Variants in ZMAT4 observed in about 807,000 individuals in gnomAD.
The protein encoded by ZMAT4 is zinc finger matrin-type 4.
In ZMAT4, 17 loss-of-function variants were observed where a neutral mutation model predicts 28.7. The ratio of observed to expected loss-of-function variants is 0.59; its 90% CI spans 0.41 to 0.89. The LOEUF is 0.89. Among genes scored for constraint, ZMAT4 ranks in the 40% least tolerant of loss-of-function variants. The pLI, the probability that ZMAT4 is intolerant of heterozygous loss-of-function variation, is 0.00. For missense variants in ZMAT4, 240 were observed against 283.8 expected, an observed-to-expected ratio of 0.85 and a Z score of 1.11; for synonymous variants, 117 against 109.2, an observed-to-expected ratio of 1.07 and a Z score of -0.44.
chr8:40,766,944 T>C (rs990830081), intron 3 of ZMAT4, among the ~76,000 whole-genome samples: 3 of 152,186 alleles, frequency 2.0e-5, no homozygotes, highest in African/African-American at 7.2e-5. Context: ...GGAATTTCTG[T>C]GTTTAATCCA....
At chr8:40,680,186 G>A (rs1809094113) in intron 4 of ZMAT4, among the ~76,000 whole-genome samples, 1 of 152,130 alleles carries the variant, frequency 6.6e-6, no homozygotes, top group Admixed American at 6.6e-5. Flanking sequence ...GTTGCAGAGA[G>A]TGCACATCCT....
intron 1 of ZMAT4, among the ~76,000 whole-genome samples, chr8:40,835,821 G>A (rs1026851117): frequency 2.6e-5 from 4 of 152,184 alleles, no homozygotes; most frequent in Non-Finnish European, 5.9e-5. Flanking sequence ...TCAGCCAGCA[G>A]ACATTCTAGT....
At chr8:40,825,052 C>T (rs1191848669) in intron 2 of ZMAT4, among the ~76,000 whole-genome samples, 1 of 152,216 alleles carries the variant, frequency 6.6e-6, no homozygotes, top group Non-Finnish European at 1.5e-5. Context: ...TTGGTTATAA[C>T]TCTGCAGAAG....
chr8:40,590,489 G>C (rs554555242), intron 5 of ZMAT4, among the ~76,000 whole-genome samples: 1 of 151,844 alleles, frequency 6.6e-6, no homozygotes, highest in Admixed American at 6.6e-5. Context: ...AAAATCAAAC[G>C]GCTCTTTTAC....
chr8:40,630,391 A>G (rs1806531589), intron 5 of ZMAT4, among the ~76,000 whole-genome samples: 3 of 152,216 alleles, frequency 2.0e-5, no homozygotes. Flanking sequence ...TATATATCCT[A>G]TGTGGAAGAT....
At chr8:40,646,538 T>A (rs1807325208) in intron 5 of ZMAT4, among the ~76,000 whole-genome samples, 1 of 152,152 alleles carries the variant, frequency 6.6e-6, no homozygotes, top group African/African-American at 2.4e-5. Context: ...TAATTTATAT[T>A]AACCAATTTA....
At position 40,577,595 on chromosome 8, in the gene ZMAT4, G is replaced by C. The variant is rs193062273; in HGVS notation, c.674+3570C>G. Reference sequence around the variant, plus strand: ...ACCTAGATAAAAGAAACAAGTTTTAGTGTTCTACAAAAATGTATTGCATAT... The same window carrying C: ...ACCTAGATAAAAGAAACAAGTTTTACTGTTCTACAAAAATGTATTGCATAT... On this transcript the variant is annotated intron_variant, in intron 6 of 6. Transcript: ENST00000297737. Among the ~76,000 whole-genome samples the C allele has an allele frequency of 9.9e-5, 15 of 152,202 alleles. No homozygotes were observed. In the East Asian group the frequency reaches 2.1e-3, roughly 22 times the overall value.
At position 40,698,705 on chromosome 8, in the gene ZMAT4, G is replaced by T. The variant is rs549861277; in HGVS notation, c.193-1304C>A. ...GCAAATTATGTGGTAGTTAGGAAAT[G>T]AATTCCTTCCTCCTTAAGACATTAG... On this transcript the variant is annotated intron_variant, in intron 3 of 6. Transcript: ENST00000297737. Among the ~76,000 whole-genome samples, 3 of 152,304 alleles carry T rather than the reference G, an allele frequency of 2.0e-5. No individual in the cohort carries two copies. In the South Asian group the frequency reaches 6.2e-4, roughly 32 times the overall value.
chr8:40,893,208 A>G (rs953769723), intron 1 of ZMAT4, among the ~76,000 whole-genome samples: 1 of 152,202 alleles, frequency 6.6e-6, no homozygotes, highest in African/African-American at 2.4e-5. Context: ...AGCTGCCCTC[A>G]TGGATTCCAG....
intron 5 of ZMAT4, among the ~76,000 whole-genome samples, chr8:40,590,188 T>G (rs1804842471): frequency 6.6e-6 from 1 of 150,632 alleles, no homozygotes; most frequent in South Asian, 2.1e-4. Flanking sequence ...CATGCCTTGC[T>G]AATTTTTTTT....
chr8:40,773,124 A>G (rs1182873020), intron 2 of ZMAT4, among the ~76,000 whole-genome samples: 2 of 152,156 alleles, frequency 1.3e-5, no homozygotes, highest in East Asian at 3.9e-4. Context: ...AACGAATGGA[A>G]CTCTTTTCCA....
intron 3 of ZMAT4, among the ~76,000 whole-genome samples, chr8:40,728,969 C>A (rs954427283): frequency 2.0e-5 from 3 of 152,192 alleles, no homozygotes; most frequent in African/African-American, 7.2e-5. Flanking sequence ...TGGCTTCTAG[C>A]ACACAATGTT....
intron 6 of ZMAT4, among the ~76,000 whole-genome samples, chr8:40,567,941 T>C (rs931979730): frequency 2.0e-5 from 3 of 152,088 alleles, no homozygotes; most frequent in African/African-American, 7.2e-5. Context: ...AGTGGTAGCA[T>C]AAAGATTCCT....
At chr8:40,708,067 T>C (rs1358529529) in intron 3 of ZMAT4, among the ~76,000 whole-genome samples, 1 of 152,162 alleles carries the variant, frequency 6.6e-6, no homozygotes, top group Non-Finnish European at 1.5e-5. Flanking sequence ...CAAAACTAGG[T>C]GACATGGTTG....
At chr8:40,761,008 G>C (rs1812915627) in intron 3 of ZMAT4, among the ~76,000 whole-genome samples, 1 of 152,068 alleles carries the variant, frequency 6.6e-6, no homozygotes, top group Non-Finnish European at 1.5e-5. Flanking sequence ...ATTAACAAAA[G>C]GAAGCTGAAG....
At chr8:40,585,226 G>A (rs1467506712) in intron 5 of ZMAT4, among the ~76,000 whole-genome samples, 1 of 152,168 alleles carries the variant, frequency 6.6e-6, no homozygotes, top group African/African-American at 2.4e-5. Flanking sequence ...AAAGAACAAT[G>A]AAACCACAAA....
intron 1 of ZMAT4, among the ~76,000 whole-genome samples, chr8:40,866,118 GC>G (rs1157986986): frequency 6.6e-6 from 1 of 152,152 alleles, no homozygotes; most frequent in Non-Finnish European, 1.5e-5. Context: ...ACCTTCAAGG[GC>G]CCCTAGAAAG....
intron 5 of ZMAT4, among the ~76,000 whole-genome samples, chr8:40,626,770 A>T (rs1806397175): frequency 6.6e-6 from 1 of 152,130 alleles, no homozygotes. Context: ...CTAATGTGAG[A>T]TGTTGGATGG....
At chr8:40,641,622 A>T (rs1807030121) in intron 5 of ZMAT4, among the ~76,000 whole-genome samples, 1 of 152,182 alleles carries the variant, frequency 6.6e-6, no homozygotes, top group Non-Finnish European at 1.5e-5. Context: ...AACCATCATC[A>T]CAATCTGTGC....
Sources: gnomAD v4.1 joint callset for allele counts (sites outside exome capture counted in the v4.1 genomes callset) on GRCh38, gnomAD v4.1.1 for gene constraint, MANE v1.5 for transcripts, NCBI Gene and HGNC (gene_info 2026-07-23, HGNC 2026-07-21) for gene names.